The following VRK2 variants were observed in gnomAD, a reference collection of about 807,000 sequenced individuals.
The protein encoded by VRK2 is serine/threonine-protein kinase VRK2.
In VRK2, 60 loss-of-function variants were observed where a neutral mutation model predicts 57.6. That is an observed-to-expected ratio of 1.04 (90% confidence interval 0.85 to 1.29). The LOEUF is 1.29. Among genes scored for constraint, VRK2 ranks in the 50% most tolerant of loss-of-function variants. The pLI is 0.00. For missense variants in VRK2, 705 were observed against 588.1 expected, an observed-to-expected ratio of 1.20 and a Z score of -2.06; for synonymous variants, 231 against 199.2, an observed-to-expected ratio of 1.16 and a Z score of -1.35.
chr2:57,947,861 C>A (rs925207399), intron 1 of VRK2, among the ~76,000 whole-genome samples: 1 of 152,140 alleles, frequency 6.6e-6, no homozygotes, highest in Non-Finnish European at 1.5e-5. Context: ...CATTCCTATA[C>A]ACTTTTCCTT....
intron 7 of VRK2, among the ~76,000 whole-genome samples, chr2:58,112,444 T>C (rs568720048): frequency 5.3e-5 from 8 of 152,204 alleles, no homozygotes; most frequent in Admixed American, 1.3e-4. Flanking sequence ...AATTCTAGAC[T>C]GTCTTTCTCT....
chr2:57,954,483 G>A (rs566716311), intron 1 of VRK2, among the ~76,000 whole-genome samples: 28 of 152,002 alleles, frequency 1.8e-4, no homozygotes, highest in African/African-American at 5.8e-4. Context: ...CCAGTCTAAT[G>A]TTTTCTTTTT....
intron 1 of VRK2, among the ~76,000 whole-genome samples, chr2:57,977,460 A>G (rs1381777874): frequency 3.3e-5 from 5 of 150,992 alleles, no homozygotes; most frequent in Non-Finnish European, 3.0e-5. Flanking sequence ...ATTCCTGGGT[A>G]TTTTTTTTCT....
chr2:58,006,954 G>T (rs972352617), intron 1 of VRK2, among the ~76,000 whole-genome samples: 1 of 152,030 alleles, frequency 6.6e-6, no homozygotes, highest in Admixed American at 6.6e-5. Context: ...TCTAATGAGG[G>T]CAAGGCTGGG....
chr2:58,107,303 A>AT (rs1392135026), intron 7 of VRK2, among the ~76,000 whole-genome samples: 5 of 151,870 alleles, frequency 3.3e-5, no homozygotes, highest in South Asian at 2.1e-4. Flanking sequence ...AAGACCTTTT[A>AT]TTTTTTTTGT....
chr2:57,935,632 T>C (rs967474693), intron 1 of VRK2, among the ~76,000 whole-genome samples: 2 of 152,130 alleles, frequency 1.3e-5, no homozygotes, highest in Admixed American at 1.3e-4. Context: ...AAGTGGTTAG[T>C]AGGGTCTGTG....
chr2:58,040,469 G>C (rs1200166520), intron 3 of VRK2, among the ~76,000 whole-genome samples: 2 of 152,206 alleles, frequency 1.3e-5, no homozygotes, highest in African/African-American at 4.8e-5. Context: ...GTGAGACTTA[G>C]AGGAAAACCT....
chr2:58,143,300 C>A (rs949134575), intron 11 of VRK2, among the ~76,000 whole-genome samples: 1 of 151,884 alleles, frequency 6.6e-6, no homozygotes, highest in Non-Finnish European at 1.5e-5. Context: ...CATTTTCATA[C>A]CTACTTTCTT....
chr2:58,128,386 C>T (rs977049735), intron 8 of VRK2, among the ~76,000 whole-genome samples: 3 of 152,010 alleles, frequency 2.0e-5, no homozygotes, highest in Non-Finnish European at 4.4e-5. Context: ...GGCTGGAGGA[C>T]AGTGGTGCTA....
At chr2:58,093,879 A>G (rs1461852548) in intron 7 of VRK2, among the ~76,000 whole-genome samples, 2 of 152,232 alleles carry the variant, frequency 1.3e-5, no homozygotes, top group East Asian at 3.8e-4. Flanking sequence ...AGCTTCCTAC[A>G]TATGGCTAGC....
At chr2:58,013,156 T>C (rs1262792257) in intron 1 of VRK2, among the ~76,000 whole-genome samples, 1 of 152,216 alleles carries the variant, frequency 6.6e-6, no homozygotes, top group Non-Finnish European at 1.5e-5. Context: ...AGTTTCTTCT[T>C]TAAATGCCAA....
intron 2 of VRK2, among the ~76,000 whole-genome samples, chr2:58,064,407 A>T (rs761855474): frequency 1.3e-5 from 2 of 152,114 alleles, no homozygotes; most frequent in Non-Finnish European, 2.9e-5. Context: ...ATCCACATCA[A>T]GACCCTCCAC....
chr2:57,948,232 C>T (rs1671320186), intron 1 of VRK2, among the ~76,000 whole-genome samples: 1 of 152,106 alleles, frequency 6.6e-6, no homozygotes, highest in Non-Finnish European at 1.5e-5. Flanking sequence ...AGTAAAGATC[C>T]AGCATTAGGA....
At chr2:58,151,218 A>T (rs540822965) in intron 12 of VRK2, among the ~76,000 whole-genome samples, 1 of 151,664 alleles carries the variant, frequency 6.6e-6, no homozygotes, top group South Asian at 2.1e-4. Context: ...TCTCTTCTAT[A>T]CATTTTTGCT....
rs17049294 is a variant in VRK2, at chr2:58,004,428, A to T, written c.-438-21237A>T. On this transcript the variant is annotated intron_variant, in intron 1 of 15. Transcript: ENST00000417641. ...AGCCTCTTACCAAAAGCTTTTTATT[A>T]GAATGGCAATTGACTGTTTTCTAAT... is the stretch of plus-strand genomic sequence containing the variant. Among the ~76,000 whole-genome samples, 363 of 152,296 alleles carry T rather than the reference A, an allele frequency of 2.4e-3. 9 individuals carry two copies. The East Asian group carries it at 0.06, about 25-fold the overall frequency.
At chr2:58,143,964 C>T (rs1054851904) in intron 11 of VRK2, among the ~76,000 whole-genome samples, 1 of 150,756 alleles carries the variant, frequency 6.6e-6, no homozygotes, top group Non-Finnish European at 1.5e-5. Context: ...TATGTATATA[C>T]ATATATATGT....
intron 2 of VRK2, among the ~76,000 whole-genome samples, chr2:58,057,037 C>T (rs915776398): frequency 3.3e-5 from 5 of 152,112 alleles, no homozygotes; most frequent in East Asian, 1.9e-4. Flanking sequence ...TTATTTCAGA[C>T]GGTCACTATT....
chr2:57,950,875 C>T (rs904490938), intron 1 of VRK2, among the ~76,000 whole-genome samples: 1 of 151,778 alleles, frequency 6.6e-6, no homozygotes, highest in African/African-American at 2.4e-5. Context: ...GGGTGGATCA[C>T]GAGGTCAGGA....
At chr2:58,067,757 T>TGTCTCTTCTTCAGTTCTTCA (rs1464442480) in intron 2 of VRK2, among the ~76,000 whole-genome samples, 31 of 152,290 alleles carry the variant, frequency 2.0e-4, no homozygotes, top group African/African-American at 7.2e-4. Flanking sequence ...CTCCGTCTGT[T>TGTCTCTTCTTCAGTTCTTCA]AAATATATTT....
Sources: allele counts gnomAD v4.1 joint callset (sites outside exome capture counted in the v4.1 genomes callset), GRCh38; gene constraint gnomAD v4.1.1; transcripts MANE v1.5; gene names NCBI Gene and HGNC (gene_info 2026-07-23, HGNC 2026-07-21).